Variants in RCN3 observed in about 807,000 individuals in gnomAD.
RCN3 encodes the protein reticulocalbin-3.
In RCN3, 41 loss-of-function variants were observed where a neutral mutation model predicts 35.9. That is an observed-to-expected ratio of 1.14 (90% confidence interval 0.89 to 1.48). The LOEUF (loss-of-function observed/expected upper bound fraction) is 1.48, where lower values mean the gene tolerates loss of function less well. RCN3 is among the 40% of genes most tolerant of loss of function. The pLI is 0.00. For synonymous variants in RCN3, 187 were observed against 193.4 expected (o/e 0.97, Z 0.27); for missense variants, 451 against 471.3 (o/e 0.96, Z 0.40).
chr19:49,538,925 C>T (rs2080149757), intron 4 of RCN3, among the ~76,000 whole-genome samples, 194 bp from the exon 5 acceptor site: 1 of 152,138 alleles, frequency 6.6e-6, no homozygotes, highest in African/African-American at 2.4e-5. Flanking sequence ...CAGGTGGTGC[C>T]TGTTTGATGA....
intron 2 of RCN3, among the ~76,000 whole-genome samples, chr19:49,532,557 G>A (rs2080114045): frequency 6.6e-6 from 1 of 152,076 alleles, no homozygotes; most frequent in Non-Finnish European, 1.5e-5. Context: ...TGTATTTTTA[G>A]TAGAGACGGT....
intron 4 of RCN3, among the ~76,000 whole-genome samples, chr19:49,538,661 G>A (rs185714538): frequency 6.6e-5 from 10 of 152,258 alleles, no homozygotes; most frequent in Admixed American, 2.0e-4. Flanking sequence ...AACAAAAGTC[G>A]TTTTGCTCCA....
At chr19:49,529,676 AAGAT>A (rs2080098846) in intron 2 of RCN3, among the ~76,000 whole-genome samples, 1 of 152,178 alleles carries the variant, frequency 6.6e-6, no homozygotes. Flanking sequence ...GCATCCAAGA[AAGAT>A]AAAGCAAGAG....
rs58021494 is a variant in RCN3 at position 49,539,718 on chromosome 19, ATTTT to A, written c.679+560_679+563del. Among the ~76,000 whole-genome samples the A allele has an allele frequency of 1.2e-3, 145 of 119,158 alleles. 1 individual carries two copies. The highest frequency in any genetic ancestry group is 9.3e-3 in the Middle Eastern group (2 of 214). The allele number at this position is 119,158 out of a possible 152,430, so 78.2% of individuals were successfully genotyped here. A position where few individuals can be genotyped will look rare whatever the true frequency, so the allele number is the denominator to read the frequency against. ...TAGTCAAGGAGAACGCTAACAAGGA[ATTTT>A]TTTTTTTTTTTTTTTTTTTTGAGAC... On this transcript the variant is annotated intron_variant, in intron 5 of 6. Coordinates refer to ENST00000270645, the MANE Select transcript of RCN3 (RefSeq NM_020650.3).
chr19:49,539,022 A>G, intron 4 of RCN3, 97 bp from the exon 5 acceptor site: 2 of 821,612 alleles, frequency 2.4e-6, no homozygotes, highest in Non-Finnish European at 3.7e-6. Context: ...CCGGAGCTAA[A>G]TTTCCAAGAG....
Position 49,534,341 on chromosome 19 carries a change from G to T in RCN3, c.391G>T (p.Gly131Trp). 2 of 1,526,244 alleles carry T rather than the reference G, an allele frequency of 1.3e-6. No homozygotes were observed. The highest frequency in any genetic ancestry group is 1.8e-6 in the Non-Finnish European group (2 of 1,138,600). The allele number at this position is 1,526,244 out of a possible 1,614,324, so 94.5% of individuals were successfully genotyped here. A position where few individuals can be genotyped will look rare whatever the true frequency, so the allele number is the denominator to read the frequency against. The change falls in exon 3 of 7, where the codon GGG becomes TGG. Residue 131 changes from glycine (G) to tryptophan (W), a missense_variant. Gly to Trp is a radical substitution (Grantham distance 184). Coordinates refer to ENST00000270645, the MANE Select transcript of RCN3 (RefSeq NM_020650.3). ...GGACACGTACGACACGGACCGCGACGGGCGTGTGGGTTGGGAGGAGCTGCG... is the reference window on the plus strand; with the variant it reads ...GGACACGTACGACACGGACCGCGACTGGCGTGTGGGTTGGGAGGAGCTGCG... ...AWDTYDTDRD[G>W]RVGWEELRNA...
At chr19:49,535,026 C>T (rs1175990656) in intron 3 of RCN3, among the ~76,000 whole-genome samples, 1 of 152,102 alleles carries the variant, frequency 6.6e-6, no homozygotes, top group Non-Finnish European at 1.5e-5. Context: ...GCCCCAGCCT[C>T]CCCGTCCAGT....
rs921124037 is a variant in RCN3 at position 49,542,730 on chromosome 19, T to A, written c.857T>A (p.Leu286Gln). Residue 286 changes from leucine (L) to glutamine (Q), a missense_variant, in exon 6 of 7, where the codon CTG becomes CAG. By Grantham distance (113) the Leu-to-Gln change is moderately radical. Transcript: ENST00000270645. ...CCCCTGGTGGAAGCCAACCACCTGCTGCACGAGAGCGACACGGACAAGGTG... is the reference window on the plus strand; with the variant it reads ...CCCCTGGTGGAAGCCAACCACCTGCAGCACGAGAGCGACACGGACAAGGTG... ...DQPLVEANHL[L>Q]HESDTDKDGR... is the part of the protein sequence containing the mutation. 1.1e-5 allele frequency: 17 copies of A among 1,591,956 alleles called. No homozygotes were observed. Among genetic ancestry groups the A allele is most frequent in the Non-Finnish European group, 1.4e-5 (16 of 1,170,854 alleles).
intron 2 of RCN3, among the ~76,000 whole-genome samples, chr19:49,532,752 T>C (rs1286625429): frequency 6.6e-6 from 1 of 152,210 alleles, no homozygotes; most frequent in Non-Finnish European, 1.5e-5. Context: ...CTCGGCTCAC[T>C]GCAACCTCCA....
At chr19:49,528,790 A>G in intron 2 of RCN3, 76 bp downstream of exon 2, 1 of 1,428,712 alleles carries the variant, frequency 7.0e-7, no homozygotes, top group Non-Finnish European at 9.3e-7. Context: ...GACAGGGGTC[A>G]GAGAAATGGC....
Position 49,542,545 on chromosome 19 carries a change from G to A in RCN3, c.680-8G>A. 4 of 1,577,464 alleles carry A rather than the reference G, an allele frequency of 2.5e-6. No homozygotes were observed. Among genetic ancestry groups the A allele is most frequent in the Non-Finnish European group, 3.4e-6 (4 of 1,161,836 alleles). ...CCCTGACCTTGTCCCCTCTGTCCCG[G>A]CCCCCAGCGGATCTGTACTCAGCCG... On this transcript the variant is annotated splice_region_variant and splice_polypyrimidine_tract_variant and intron_variant, in intron 5 of 6. Coordinates refer to ENST00000270645, the MANE Select transcript of RCN3 (RefSeq NM_020650.3).
intron 2 of RCN3, among the ~76,000 whole-genome samples, chr19:49,532,376 GTTT>G (rs1192608480): frequency 3.3e-5 from 5 of 150,058 alleles, no homozygotes; most frequent in African/African-American, 1.2e-4. Context: ...AGTGTTTTTT[GTTT>G]GTTTGTTTGT....
At chr19:49,538,082 C>T (rs2080145235) in intron 4 of RCN3, among the ~76,000 whole-genome samples, 1 of 150,976 alleles carries the variant, frequency 6.6e-6, no homozygotes, top group South Asian at 2.1e-4. Context: ...ACCTCAAACT[C>T]TTGGGCTCAA....
At position 49,543,218 on chromosome 19, in the gene RCN3, C is replaced by T. The variant is rs763971302; in HGVS notation, c.*5C>T. On this transcript the variant is annotated 3_prime_UTR_variant, in exon 7 of 7. Coordinates refer to ENST00000270645, the MANE Select transcript of RCN3 (RefSeq NM_020650.3). ...CGGCACCACGATGAGCTGTGAGCAC[C>T]GCGCACCTGCCACAGCCTCAGAGGC... 3.6e-5 allele frequency: 57 copies of T among 1,598,214 alleles called. No individual in the cohort carries two copies. The highest frequency in any genetic ancestry group is 8.6e-5 in the Admixed American group (5 of 58,458).
At chr19:49,535,779 G>A (rs2080130702) in intron 3 of RCN3, among the ~76,000 whole-genome samples, 1 of 150,950 alleles carries the variant, frequency 6.6e-6, no homozygotes, top group East Asian at 2.0e-4. Context: ...GAACCCAGGA[G>A]GCAGAAGTTG....
At chr19:49,531,000 G>C (rs949614174) in intron 2 of RCN3, among the ~76,000 whole-genome samples, 1 of 152,206 alleles carries the variant, frequency 6.6e-6, no homozygotes, top group African/African-American at 2.4e-5. Context: ...AGAAAGGGGA[G>C]AGAGTGGGAG....
At chr19:49,529,126 A>G (rs1416756138) in intron 2 of RCN3, among the ~76,000 whole-genome samples, 4 of 152,152 alleles carry the variant, frequency 2.6e-5, no homozygotes, top group Non-Finnish European at 1.5e-5. Flanking sequence ...GGTTGCAGTG[A>G]GCCAAAATTG....
rs553757224 is a variant in RCN3 at position 49,534,171 on chromosome 19, G to A, written c.243-22G>A. On this transcript the variant is annotated intron_variant, in intron 2 of 6. Transcript: ENST00000270645. ...CCTGGGGGCGGGACCAGAGCCTGAC[G>A]TGTGCCCGCCCCGGCTTCTAGGCGG... 1.1e-5 allele frequency: 16 copies of A among 1,476,162 alleles called. No homozygotes were observed. In the South Asian group the frequency reaches 2.0e-4, roughly 18 times the overall value. The allele number at this position is 1,476,162 out of a possible 1,614,324, so 91.4% of individuals were successfully genotyped here. A position where few individuals can be genotyped will look rare whatever the true frequency, so the allele number is the denominator to read the frequency against.
intron 2 of RCN3, among the ~76,000 whole-genome samples, chr19:49,532,821 G>T (rs1372830998): frequency 1.3e-5 from 2 of 152,036 alleles, no homozygotes; most frequent in African/African-American, 4.8e-5. Flanking sequence ...GATTTCAGGT[G>T]CGTGCCACCA....
Sources: allele counts gnomAD v4.1 joint callset (sites outside exome capture counted in the v4.1 genomes callset), GRCh38; gene constraint gnomAD v4.1.1; transcripts MANE v1.5; gene names NCBI Gene and HGNC (gene_info 2026-07-23, HGNC 2026-07-21).